Variants in TMEM272 observed in about 807,000 individuals in gnomAD.
TMEM272 encodes long intergenic non-protein coding RNA 282.
TMEM272 carries 8 observed loss-of-function variants against 3.7 expected under a neutral mutation model. That is an observed-to-expected ratio of 2.17 (90% CI 1.27 to 3.91). The LOEUF is 3.91. Among genes scored for constraint, TMEM272 ranks in the 30% most tolerant of loss-of-function variants. The probability of loss-of-function intolerance (pLI) is 0.00; values close to 1 mark genes in which losing one functional copy is unlikely to be tolerated. For missense variants in TMEM272, 166 were observed against 91.5 expected (o/e 1.81, Z -3.32); for synonymous variants, 63 against 39.8 (o/e 1.58, Z -2.20).
At chr13:51,873,773 A>G in the TMEM272 span, among the ~76,000 whole-genome samples, 135,068 of 152,176 alleles carry the variant, frequency 0.89, 60,032 homozygotes, top group Admixed American at 0.93. Context: ...CGATCCTTCT[A>G]GGGTCCCTCT....
the TMEM272 span, among the ~76,000 whole-genome samples, chr13:51,869,557 T>G: frequency 7.2e-5 from 11 of 151,918 alleles, no homozygotes; most frequent in Admixed American, 6.6e-4. Context: ...TGGCACGATC[T>G]CGGCTCACTG....
intron 2 of TMEM272, among the ~76,000 whole-genome samples, chr13:51,828,488 C>A (rs1956146103): frequency 6.6e-6 from 1 of 152,146 alleles, no homozygotes; most frequent in South Asian, 2.1e-4. Context: ...TTGACCTTCA[C>A]CTCCAGGAAA....
upstream of TMEM272, among the ~76,000 whole-genome samples, chr13:51,848,593 A>T (rs1029437802): frequency 6.6e-6 from 1 of 152,228 alleles, no homozygotes; most frequent in Admixed American, 6.5e-5. Flanking sequence ...TGTATCCTAT[A>T]AGGAATTTTG....
At position 51,816,612 on chromosome 13, in the gene TMEM272, C is replaced by T; in HGVS notation, c.*139G>A. 1.7e-6 allele frequency: 1 copy of T among 587,628 alleles called. No homozygotes were observed. The highest frequency in any genetic ancestry group is 3.0e-6 in the Non-Finnish European group (1 of 329,226). The allele number at this position is 587,628 out of a possible 1,614,324, so 36.4% of individuals were successfully genotyped here. On this transcript the variant is annotated 3_prime_UTR_variant, in exon 5 of 5. Transcript: ENST00000629372. The stretch of plus-strand genomic sequence containing the variant: ...TGCCTTTGGGTGGCTTTTTAAATGC[C>T]TTCAGGGAAGGTTTTATTACCTTTA...
rs1956015604 is a variant in TMEM272 at position 51,815,717 on chromosome 13, G to A, written c.*1034C>T. On this transcript the variant is annotated 3_prime_UTR_variant, in exon 5 of 5. Transcript: ENST00000629372. ...TTTTTGCTCATAAAGAGGCTCCCCA[G>A]CGAGCACTGACAACAGACCTGGACT... The A allele has an allele frequency of 1.3e-5, 2 of 152,220 alleles. No individual in the cohort carries two copies. The highest frequency in any genetic ancestry group is 4.8e-5 in the African/African-American group (2 of 41,448). The allele number at this position is 152,220 out of a possible 1,614,324, so 9.4% of individuals were successfully genotyped here. A position where few individuals can be genotyped will look rare whatever the true frequency, so the allele number is the denominator to read the frequency against.
At chr13:51,908,398 G>T in the TMEM272 span, 1 of 1,486,224 alleles carries the variant, frequency 6.7e-7, no homozygotes. Context: ...AATGGAGCAC[G>T]TGGTGGACCT....
rs566892370 is a variant in TMEM272 at position 51,842,614 on chromosome 13, TGTTA to T, written c.-24+2398_-24+2401del. 1.8e-4 allele frequency among the ~76,000 whole-genome samples: 27 copies of T among 152,044 alleles called. No individual in the cohort carries two copies. In the South Asian group the frequency reaches 5.6e-3, roughly 32 times the overall value. ...ACAACTGCAGAACTTCCAGCCCAACTGTTAGTATTTTGGAGCTTTTAAGTATATG... is the reference window on the plus strand; with the variant it reads ...ACAACTGCAGAACTTCCAGCCCAACTGTATTTTGGAGCTTTTAAGTATATG... On this transcript the variant is annotated intron_variant, in intron 1 of 4. Transcript: ENST00000629372.
At chr13:51,875,507 G>A in the TMEM272 span, among the ~76,000 whole-genome samples, 1 of 152,190 alleles carries the variant, frequency 6.6e-6, no homozygotes. Context: ...ACCTGGTTTT[G>A]ATGCCAAGGC....
chr13:51,846,604 C>A (rs1453699380), upstream of TMEM272, among the ~76,000 whole-genome samples: 1 of 152,188 alleles, frequency 6.6e-6, no homozygotes, highest in Non-Finnish European at 1.5e-5. Context: ...TGTAAAAATG[C>A]CTCAGGCAGG....
At chr13:51,919,587 T>C in the TMEM272 span, among the ~76,000 whole-genome samples, 2 of 152,208 alleles carry the variant, frequency 1.3e-5, no homozygotes, top group East Asian at 1.9e-4. Flanking sequence ...CACTCAACAC[T>C]GTGTTTTCCC....
intron 2 of TMEM272, among the ~76,000 whole-genome samples, chr13:51,829,436 G>T (rs982467581): frequency 6.6e-6 from 1 of 152,148 alleles, no homozygotes; most frequent in South Asian, 2.1e-4. Flanking sequence ...GGGCCCTGCT[G>T]GTCATGAGTG....
chr13:51,838,242 A>G (rs1956232347), intron 2 of TMEM272, among the ~76,000 whole-genome samples: 1 of 152,182 alleles, frequency 6.6e-6, no homozygotes, highest in African/African-American at 2.4e-5. Flanking sequence ...CACATATTAC[A>G]TGGAAAACAC....
chr13:51,911,198 G>C, the TMEM272 span, among the ~76,000 whole-genome samples: 1 of 152,152 alleles, frequency 6.6e-6, no homozygotes, highest in Non-Finnish European at 1.5e-5. Context: ...TAATTTTACA[G>C]CTAAAATATA....
rs1205544555 is a variant in TMEM272 at position 51,814,415 on chromosome 13, C to T, written c.*2336G>A. The T allele has an allele frequency of 6.6e-6, 1 of 152,236 alleles. No individual in the cohort carries two copies. Among genetic ancestry groups the T allele is most frequent in the Admixed American group, 6.5e-5 (1 of 15,288 alleles). The allele number at this position is 152,236 out of a possible 1,614,324, so 9.4% of individuals were successfully genotyped here. The stretch of plus-strand genomic sequence containing the variant: ...AGTGTCCCCTCTATGAATGGATGCA[C>T]ATGAACATTTTCTTTAGGATCTAAC... On this transcript the variant is annotated 3_prime_UTR_variant, in exon 5 of 5. Transcript: ENST00000629372.
In TMEM272 at chr13:51,816,508, T is replaced by G; in HGVS notation, c.*243A>C. ...TTTGAAAACTCTTGTGAGAACAAAA[T>G]TCCCACTCTGAAAAGAGCAGAAGTG... is the stretch of plus-strand genomic sequence containing the variant. On this transcript the variant is annotated 3_prime_UTR_variant, in exon 5 of 5. Transcript: ENST00000629372. 1 of 427,596 alleles carries G rather than the reference T, an allele frequency of 2.3e-6. No individual in the cohort carries two copies. The highest frequency in any genetic ancestry group is 4.2e-6 in the Non-Finnish European group (1 of 238,020). The allele number at this position is 427,596 out of a possible 1,614,324, so 26.5% of individuals were successfully genotyped here.
chr13:51,859,513 C>CAT, the TMEM272 span, among the ~76,000 whole-genome samples: 1 of 142,472 alleles, frequency 7.0e-6, no homozygotes, highest in Non-Finnish European at 1.5e-5. Flanking sequence ...CAAACACACA[C>CAT]ACACACACAC....
intron 1 of TMEM272, among the ~76,000 whole-genome samples, chr13:51,843,650 G>C (rs1430840688): frequency 6.6e-6 from 1 of 152,196 alleles, no homozygotes; most frequent in Admixed American, 6.5e-5. Context: ...GAAACAGGAA[G>C]AGATTGGGGT....
chr13:51,919,096 C>A, the TMEM272 span, among the ~76,000 whole-genome samples: 1 of 152,122 alleles, frequency 6.6e-6, no homozygotes, highest in Non-Finnish European at 1.5e-5. Flanking sequence ...GGCCCTTGCT[C>A]GCCTCTGTGT....
At chr13:51,926,228 T>G in the TMEM272 span, among the ~76,000 whole-genome samples, 3 of 152,242 alleles carry the variant, frequency 2.0e-5, no homozygotes, top group African/African-American at 7.2e-5. Flanking sequence ...CCCTGAATCC[T>G]TCCAGGCTCA....
Sources: gnomAD v4.1 joint callset for allele counts (sites outside exome capture counted in the v4.1 genomes callset) on GRCh38, gnomAD v4.1.1 for gene constraint, MANE v1.5 for transcripts, NCBI Gene and HGNC (gene_info 2026-07-23, HGNC 2026-07-21) for gene names.